XIRP2: variants seen among roughly 807,000 people sequenced by gnomAD.
The protein encoded by XIRP2 is xin actin-binding repeat-containing protein 2.
Under a neutral mutation model 277.0 loss-of-function variants are expected in XIRP2, and 236 were observed. The observed-to-expected ratio is 0.85, with a 90% CI of 0.77 to 0.95. The LOEUF (loss-of-function observed/expected upper bound fraction) is 0.95. XIRP2 is among the 40% of genes least tolerant of loss of function. The probability of loss-of-function intolerance (pLI) is 0.00; values close to 1 mark genes in which losing one functional copy is unlikely to be tolerated. For synonymous variants in XIRP2, 1,490 were observed against 1,416.5 expected (o/e 1.05, Z -1.17); for missense variants, 4,640 against 4,157.5 (o/e 1.12, Z -3.19).
chr2:167,153,028 A>G (rs550328324), intron 3 of XIRP2, among the ~76,000 whole-genome samples: 1 of 152,202 alleles, frequency 6.6e-6, no homozygotes, highest in East Asian at 1.9e-4. Context: ...TTCACTCTGT[A>G]TTATGATTTA....
chr2:167,053,304 T>C (rs1239258405), intron 2 of XIRP2, among the ~76,000 whole-genome samples: 2 of 152,224 alleles, frequency 1.3e-5, no homozygotes, highest in Non-Finnish European at 2.9e-5. Flanking sequence ...TGTTTACATA[T>C]GTGTTTATTT....
chr2:167,212,428 A>G (rs1257868557), intron 4 of XIRP2, among the ~76,000 whole-genome samples: 1 of 152,230 alleles, frequency 6.6e-6, no homozygotes, highest in Non-Finnish European at 1.5e-5. Context: ...TCAAGGCATG[A>G]TATATATTTA....
chr2:167,039,222 T>C (rs754361270), intron 2 of XIRP2, among the ~76,000 whole-genome samples: 1 of 152,154 alleles, frequency 6.6e-6, no homozygotes, highest in African/African-American at 2.4e-5. Context: ...GAAACAACCT[T>C]ACTCTTAAAT....
At position 167,246,346 on chromosome 2, in the gene XIRP2, G is replaced by A. The variant is rs751722160; in HGVS notation, c.4954G>A (p.Glu1652Lys). 1 of 1,612,864 alleles carries A rather than the reference G, an allele frequency of 6.2e-7. No individual in the cohort carries two copies. The highest frequency in any genetic ancestry group is 8.5e-7 in the Non-Finnish European group (1 of 1,179,574). Reference sequence around the variant, plus strand: ...ATCAACTGAATTTCATGCTGAAAAAGAAGAGATAGTGAAAGGTGATGTACA... The same window carrying A: ...ATCAACTGAATTTCATGCTGAAAAAAAAGAGATAGTGAAAGGTGATGTACA... ...NRSTEFHAEK[E>K]EIVKGDVQQA... The change falls in exon 9 of 11, where the codon GAA (glutamate) becomes AAA (lysine). Residue 1652 changes from glutamate to lysine, a missense_variant. Glu to Lys is a moderately conservative substitution (Grantham distance 56). Transcript: ENST00000409195.
At chr2:167,214,134 G>GAAGCAAGCAAGC in intron 4 of XIRP2, among the ~76,000 whole-genome samples, 1 of 112,174 alleles carries the variant, frequency 8.9e-6, no homozygotes, top group East Asian at 2.7e-4. Flanking sequence ...AGGAAGGAAG[G>GAAGCAAGCAAGC]AAGCAAAGAG....
intron 2 of XIRP2, among the ~76,000 whole-genome samples, chr2:167,012,961 T>A (rs1439701883): frequency 6.6e-6 from 1 of 151,374 alleles, no homozygotes; most frequent in Admixed American, 6.6e-5. Context: ...GTAGTAAAAT[T>A]TTTTATCACA....
intron 2 of XIRP2, among the ~76,000 whole-genome samples, chr2:167,011,575 T>G (rs1286961981): frequency 6.6e-6 from 1 of 152,096 alleles, no homozygotes; most frequent in Non-Finnish European, 1.5e-5. Context: ...ATCAGGATGA[T>G]GCTGGCCTCA....
chr2:167,210,684 T>C, intron 3 of XIRP2, 51 bp from the exon 4 acceptor site: 1 of 1,594,452 alleles, frequency 6.3e-7, no homozygotes, highest in East Asian at 2.3e-5. Flanking sequence ...TGATGCTGTT[T>C]TCTTCTTAAA....
chr2:167,050,811 ATT>A (rs79052277), intron 2 of XIRP2, among the ~76,000 whole-genome samples: 42 of 148,502 alleles, frequency 2.8e-4, no homozygotes, highest in Non-Finnish European at 3.9e-4. Context: ...CTGCTGGCAC[ATT>A]TTTTTTTTTT....
intron 2 of XIRP2, among the ~76,000 whole-genome samples, chr2:167,097,949 A>T (rs1690368848): frequency 6.6e-6 from 1 of 152,156 alleles, no homozygotes; most frequent in East Asian, 1.9e-4. Context: ...CTTTGTGGGT[A>T]ACCTAACCTC....
chr2:166,997,274 T>A (rs1362155596), intron 2 of XIRP2, among the ~76,000 whole-genome samples: 2 of 152,236 alleles, frequency 1.3e-5, no homozygotes, highest in Admixed American at 6.5e-5. Flanking sequence ...TAGACTGTCA[T>A]GAACCTTATA....
At chr2:167,155,152 A>C (rs1197825170) in intron 3 of XIRP2, among the ~76,000 whole-genome samples, 1 of 150,390 alleles carries the variant, frequency 6.6e-6, no homozygotes, top group Non-Finnish European at 1.5e-5. Context: ...TTCACAGCCG[A>C]ATTCTACCAG....
rs1233213588 is a variant in XIRP2 at position 167,249,126 on chromosome 2, A to G, written c.7734A>G (p.Gln2578=). The G allele has an allele frequency of 5.5e-5, 89 of 1,613,824 alleles. No homozygotes were observed. Among genetic ancestry groups the G allele is most frequent in the Non-Finnish European group, 7.5e-5 (89 of 1,179,828 alleles). ...TTGTTAAAACTCAAAGCCAAAATCA[A>G]CACATAACAGAGGTGGAAAAGGAAA... is the stretch of plus-strand genomic sequence containing the variant. The part of the protein sequence containing the change: ...YNIVKTQSQN[Q]HITEVEKEMP... The change falls in exon 9 of 11, where the codon CAA becomes CAG. Residue 2578 remains glutamine (Q), a synonymous_variant. Transcript: ENST00000409195.
chr2:167,245,478 T>C lies in XIRP2; in HGVS notation c.4086T>C (p.Ile1362=), dbSNP rs1239972624. 1 of 1,613,468 alleles carries C rather than the reference T, an allele frequency of 6.2e-7. No homozygotes were observed. The highest frequency in any genetic ancestry group is 8.5e-7 in the Non-Finnish European group (1 of 1,179,738). Residue 1362 remains isoleucine (I), a synonymous_variant, in exon 9 of 11, where the codon ATT becomes ATC. Transcript: ENST00000409195. The part of the protein sequence containing the change: ...WLFETKPLDS[I]NKSETVYVIK... ...TTGAAACAAAGCCATTAGACTCTATTAATAAATCAGAAACTGTGTATGTTA... is the reference window on the plus strand; with the variant it reads ...TTGAAACAAAGCCATTAGACTCTATCAATAAATCAGAAACTGTGTATGTTA...
intron 2 of XIRP2, among the ~76,000 whole-genome samples, chr2:167,087,723 C>G (rs1052481969): frequency 2.0e-5 from 3 of 152,176 alleles, no homozygotes; most frequent in Non-Finnish European, 4.4e-5. Context: ...GTCTGTCACC[C>G]CTTTCTTTGA....
At position 167,243,433 on chromosome 2, in the gene XIRP2, A is replaced by G. The variant is rs1695138888; in HGVS notation, c.2041A>G (p.Ser681Gly). Reference sequence around the variant, plus strand: ...TCAAGAAGAATCAGCGGTAACTATCAGTAAGGACATAACTGGGGGGGATGT... The same window carrying G: ...TCAAGAAGAATCAGCGGTAACTATCGGTAAGGACATAACTGGGGGGGATGT... ...QSQEESAVTISKDITGGDVKT... is the reference protein window; with the variant it reads ...QSQEESAVTIGKDITGGDVKT... Residue 681 changes from serine (S) to glycine (G), a missense_variant, in exon 9 of 11, where the codon AGT becomes GGT. Coordinates refer to ENST00000409195, the MANE Select transcript of XIRP2 (RefSeq NM_152381.6). 6.2e-7 allele frequency: 1 copy of G among 1,613,982 alleles called. No homozygotes were observed. The highest frequency in any genetic ancestry group is 1.3e-5 in the African/African-American group (1 of 74,920).
rs989020456 is a variant in XIRP2, at chr2:167,135,216, G to A, written c.409-693G>A. Among the ~76,000 whole-genome samples, 4 of 151,930 alleles carry A rather than the reference G, an allele frequency of 2.6e-5. No homozygotes were observed. The East Asian group carries it at 5.8e-4, about 22-fold the overall frequency. On this transcript the variant is annotated intron_variant, in intron 2 of 10. Transcript: ENST00000409195. ...TCAAAATATTTAGTCTACTTGGCTG[G>A]TTTGTTTTATTTGATTACATTACTT...
In XIRP2 at chr2:167,244,310, G is replaced by T. The variant is rs759287178; in HGVS notation, c.2918G>T (p.Arg973Ile). 6.2e-7 allele frequency: 1 copy of T among 1,613,678 alleles called. No homozygotes were observed. The highest frequency in any genetic ancestry group is 8.5e-7 in the Non-Finnish European group (1 of 1,179,844). The change falls in exon 9 of 11, where the codon AGA becomes ATA. Residue 973 changes from arginine (R) to isoleucine (I), a missense_variant. By Grantham distance (97) the Arg-to-Ile change is moderately conservative (BLOSUM62 -3). Coordinates refer to ENST00000409195, the MANE Select transcript of XIRP2 (RefSeq NM_152381.6). ...SHKIEVEGVT[R>I]GAVELNKSLF... ...AAAATAGAGGTGGAAGGAGTTACAA[G>T]AGGTGCTGTAGAGTTAAATAAATCT...
At chr2:167,070,889 A>C (rs1342043809) in intron 2 of XIRP2, among the ~76,000 whole-genome samples, 1 of 152,146 alleles carries the variant, frequency 6.6e-6, no homozygotes, top group African/African-American at 2.4e-5. Flanking sequence ...ACTAACAACT[A>C]TTGCTTCTTG....
Sources: gnomAD v4.1 joint callset for allele counts (sites outside exome capture counted in the v4.1 genomes callset) on GRCh38, gnomAD v4.1.1 for gene constraint, MANE v1.5 for transcripts, NCBI Gene and HGNC (gene_info 2026-07-23, HGNC 2026-07-21) for gene names.